OCSTAMP: variants seen among roughly 807,000 people sequenced by gnomAD.
The protein encoded by OCSTAMP is osteoclast stimulatory transmembrane protein, also known as transmembrane protein C20orf123.
In OCSTAMP, 17 loss-of-function variants were observed where a neutral mutation model predicts 25.2. The ratio of observed to expected loss-of-function variants is 0.68; its 90% CI spans 0.46 to 1.01. OCSTAMP has a LOEUF of 1.01. Ranked by LOEUF, OCSTAMP falls within the 50% of genes least tolerant of loss-of-function variation. OCSTAMP has a pLI of 0.00. For missense variants in OCSTAMP, 664 were observed against 694.6 expected (o/e 0.96, Z 0.50); for synonymous variants, 345 against 318.9 (o/e 1.08, Z -0.87).
Position 46,541,776 on chromosome 20 carries a change from G to A in OCSTAMP, c.1199C>T (p.Ala400Val), listed in dbSNP as rs1323381959. ...CAGGGCCCCCGCGGCCAGCGGGGCA[G>A]CTGCGCGGGGACGCCGGGCGGGTAG... ...PLLPARRPRA[A>V]APLAAGALQL... The change falls in exon 3 of 3, where the codon GCT becomes GTT. Residue 400 changes from alanine to valine, a missense_variant. Transcript: ENST00000279028. 5.9e-6 allele frequency: 9 copies of A among 1,514,140 alleles called. No homozygotes were observed. The Admixed American group carries it at 1.6e-4, about 27-fold the overall frequency. 93.8% of individuals were successfully genotyped at this position (1,514,140 alleles called of 1,614,324 possible).
rs200877331 is a variant in OCSTAMP, at chr20:46,541,698, C to G, written c.1277G>C (p.Arg426Pro). The change falls in exon 3 of 3, where the codon CGG (arginine) becomes CCG (proline). Residue 426 changes from arginine (R) to proline (P), a missense_variant. By Grantham distance (103) the Arg-to-Pro change is moderately radical. Transcript: ENST00000279028. ...VLLEAYARRL[R>P]HAIAASFFTA... ...GAAGAAGGAAGCGGCGATGGCATGC[C>G]GCAGGCGGCGGGCGTAGGCCTCCAG... 2.0e-3 allele frequency: 3,169 copies of G among 1,549,318 alleles called. 5 individuals are homozygous for G. Among genetic ancestry groups the G allele is most frequent in the Non-Finnish European group, 2.6e-3 (2,925 of 1,146,822 alleles).
chr20:46,545,060 G>C (rs186910776), intron 2 of OCSTAMP, among the ~76,000 whole-genome samples: 33 of 152,318 alleles, frequency 2.2e-4, no homozygotes, highest in Non-Finnish European at 4.4e-5. Context: ...GCTGCCACTT[G>C]TGAAGGGTGA....
chr20:46,549,610 A>G (rs3859583), intron 1 of OCSTAMP, among the ~76,000 whole-genome samples: 82,227 of 151,850 alleles, frequency 0.54, 22,913 homozygotes, highest in South Asian at 0.61. Context: ...GTGGGTGAAG[A>G]AGGGAGTTGG....
chr20:46,543,229 T>C (rs988975802), intron 2 of OCSTAMP, among the ~76,000 whole-genome samples: 2 of 145,060 alleles, frequency 1.4e-5, no homozygotes, highest in African/African-American at 2.7e-5. Flanking sequence ...TTCCTTCCTT[T>C]CTTTTTCTTT....
At chr20:46,550,014 G>A (rs1266026774) in intron 1 of OCSTAMP, among the ~76,000 whole-genome samples, 2 of 152,122 alleles carry the variant, frequency 1.3e-5, no homozygotes, top group Non-Finnish European at 2.9e-5. Context: ...ATCAATGAAC[G>A]GGTCCGTCTG....
At position 46,541,941 on chromosome 20, in the gene OCSTAMP, A is replaced by T; in HGVS notation, c.1048-14T>A. 7.1e-7 allele frequency: 1 copy of T among 1,418,062 alleles called. No homozygotes were observed. The highest frequency in any genetic ancestry group is 1.6e-5 in the South Asian group (1 of 62,406). The allele number at this position is 1,418,062 out of a possible 1,614,324, so 87.8% of individuals were successfully genotyped here. A position where few individuals can be genotyped will look rare whatever the true frequency, so the allele number is the denominator to read the frequency against. On this transcript the variant is annotated splice_polypyrimidine_tract_variant and intron_variant, in intron 2 of 2. Coordinates refer to ENST00000279028, the MANE Select transcript of OCSTAMP (RefSeq NM_080721.3). The stretch of plus-strand genomic sequence containing the variant: ...AGTGTATGCCACCTTGGGAAAGGAG[A>T]AAAAGGCAGGGTCAACTGAGGGCCT...
chr20:46,541,178 G>C lies in OCSTAMP; in HGVS notation c.*96C>G. The C allele has an allele frequency of 1.6e-6, 1 of 640,842 alleles. No homozygotes were observed. Among genetic ancestry groups the C allele is most frequent in the Non-Finnish European group, 2.9e-6 (1 of 346,106 alleles). The allele number at this position is 640,842 out of a possible 1,614,324, so 39.7% of individuals were successfully genotyped here. A position where few individuals can be genotyped will look rare whatever the true frequency, so the allele number is the denominator to read the frequency against. On this transcript the variant is annotated 3_prime_UTR_variant, in exon 3 of 3. Coordinates refer to ENST00000279028, the MANE Select transcript of OCSTAMP (RefSeq NM_080721.3). ...TCTCCATCTAACAAGTAGAGCAGTT[G>C]GTGCAGATGAGATGAGCCTGATCGC...
In OCSTAMP at chr20:46,545,968, G is replaced by T. The variant is rs964755757; in HGVS notation, c.406C>A (p.Pro136Thr). 3 of 1,551,430 alleles carry T rather than the reference G, an allele frequency of 1.9e-6. No individual in the cohort carries two copies. In the Admixed American group the frequency reaches 5.9e-5, roughly 30 times the overall value. Residue 136 changes from proline (P) to threonine (T), a missense_variant, in exon 2 of 3, where the codon CCC becomes ACC. Physicochemically the swap from Pro to Thr is conservative, Grantham distance 38. Coordinates refer to ENST00000279028, the MANE Select transcript of OCSTAMP (RefSeq NM_080721.3). ...STATLAIAVV[P>T]NVLANVGAAG... is the part of the protein sequence containing the mutation. ...GCACCCACGTTGGCCAGGACGTTGGGCACCACAGCAATGGCCAGGGTGGCA... is the reference window on the plus strand; with the variant it reads ...GCACCCACGTTGGCCAGGACGTTGGTCACCACAGCAATGGCCAGGGTGGCA...
intron 2 of OCSTAMP, among the ~76,000 whole-genome samples, chr20:46,544,631 G>A (rs949263703): frequency 1.3e-5 from 2 of 152,126 alleles, no homozygotes; most frequent in Non-Finnish European, 2.9e-5. Flanking sequence ...ATTATAAGTC[G>A]ATAGTAAATA....
chr20:46,546,560 A>G (rs866205331), intron 1 of OCSTAMP, among the ~76,000 whole-genome samples: 17 of 152,196 alleles, frequency 1.1e-4, no homozygotes, highest in African/African-American at 3.6e-4. Context: ...GAAGAGCCCA[A>G]TTCCCATGCA....
Position 46,546,113 on chromosome 20 carries a change from G to C in OCSTAMP, c.261C>G (p.Val87=), listed in dbSNP as rs1324262335. ...PPGPSAMVAT[V]CGLLVFLSLG... The stretch of plus-strand genomic sequence containing the variant: ...GGCTCAGGAAGACCAGGAGGCCACA[G>C]ACAGTGGCAACCATGGCTGAAGGTC... Residue 87 remains valine (V), a synonymous_variant, in exon 2 of 3, where the codon GTC becomes GTG. Transcript: ENST00000279028. 6.4e-7 allele frequency: 1 copy of C among 1,551,786 alleles called. No homozygotes were observed.
chr20:46,543,104 A>G (rs1306378062), intron 2 of OCSTAMP, among the ~76,000 whole-genome samples: 1 of 152,100 alleles, frequency 6.6e-6, no homozygotes, highest in Non-Finnish European at 1.5e-5. Flanking sequence ...GAAAAGTCAG[A>G]TTGAATGTTT....
chr20:46,543,300 T>TCTTTC (rs1230612230), intron 2 of OCSTAMP, among the ~76,000 whole-genome samples: 2 of 48,258 alleles, frequency 4.1e-5, no homozygotes, highest in African/African-American at 1.1e-4. Context: ...TCTCTCTTTC[T>TCTTTC]CTTTCCTTTC....
chr20:46,545,902 C>T lies in OCSTAMP; in HGVS notation c.472G>A (p.Glu158Lys), dbSNP rs2061850470. The T allele has an allele frequency of 5.8e-6, 9 of 1,551,356 alleles. No individual in the cohort carries two copies. The East Asian group carries it at 2.0e-4, about 34-fold the overall frequency. ...VLRCVTEGSL[E>K]SLLNTTHQLH... Reference sequence around the variant, plus strand: ...TGGTGAGTGGTATTGAGGAGACTCTCCAGGGAGCCCTCGGTGACACACCTC... The same window carrying T: ...TGGTGAGTGGTATTGAGGAGACTCTTCAGGGAGCCCTCGGTGACACACCTC... Residue 158 changes from glutamate (E) to lysine (K), a missense_variant, in exon 2 of 3, where the codon GAG (glutamate) becomes AAG (lysine). Physicochemically the swap from Glu to Lys is moderately conservative, Grantham distance 56 (BLOSUM62 1). Coordinates refer to ENST00000279028, the MANE Select transcript of OCSTAMP (RefSeq NM_080721.3).
rs138613759 is a variant in OCSTAMP, at chr20:46,543,568, G to A, written c.1048-1641C>T. Among the ~76,000 whole-genome samples, 989 of 152,062 alleles carry A rather than the reference G, an allele frequency of 6.5e-3. 9 individuals carry two copies. The highest frequency in any genetic ancestry group is 0.022 in the African/African-American group (929 of 41,472). ...GCTGGTCTTGAACTCCTGACCTCAG[G>A]TGATCCACCCACCTCGGCCTCCCAA... On this transcript the variant is annotated intron_variant, in intron 2 of 2. Transcript: ENST00000279028.
chr20:46,545,930 C>T lies in OCSTAMP; in HGVS notation c.444G>A (p.Val148=), dbSNP rs1029528404. The change falls in exon 2 of 3, where the codon GTG becomes GTA. Residue 148 remains valine, a synonymous_variant. Coordinates refer to ENST00000279028, the MANE Select transcript of OCSTAMP (RefSeq NM_080721.3). ...VLANVGAAGQ[V]LRCVTEGSLE... ...GGGAGCCCTCGGTGACACACCTCAG[C>T]ACCTGCCCGGCCGCACCCACGTTGG... The T allele has an allele frequency of 2.4e-5, 37 of 1,551,248 alleles. No homozygotes were observed. Among genetic ancestry groups the T allele is most frequent in the Non-Finnish European group, 2.5e-5 (29 of 1,147,012 alleles).
At position 46,541,473 on chromosome 20, in the gene OCSTAMP, A is replaced by G. The variant is rs2061833848; in HGVS notation, c.1502T>C (p.Leu501Pro). 1 of 1,550,390 alleles carries G rather than the reference A, an allele frequency of 6.4e-7. No homozygotes were observed. Among genetic ancestry groups the G allele is most frequent in the Admixed American group, 2.0e-5 (1 of 50,984 alleles). The change falls in exon 3 of 3, where the codon CTT (leucine) becomes CCT (proline). Residue 501 changes from leucine to proline, a missense_variant. Leu to Pro is a moderately conservative substitution (Grantham distance 98, BLOSUM62 -3). Transcript: ENST00000279028. ...TESSEGEGKELWSCRDLSCNL... is the reference protein window; with the variant it reads ...TESSEGEGKEPWSCRDLSCNL... Reference sequence around the variant, plus strand: ...ACAACTCAGGTCTCTGCAACTCCAAAGCTCTTTCCCTTCTCCCTCACTGCT... The same window carrying G: ...ACAACTCAGGTCTCTGCAACTCCAAGGCTCTTTCCCTTCTCCCTCACTGCT...
chr20:46,549,659 G>T (rs951708234), intron 1 of OCSTAMP, among the ~76,000 whole-genome samples: 3 of 152,162 alleles, frequency 2.0e-5, no homozygotes, highest in Non-Finnish European at 4.4e-5. Context: ...CAAAGGTCCT[G>T]TGCTCTGACC....
At chr20:46,542,923 G>A (rs1465347413) in intron 2 of OCSTAMP, among the ~76,000 whole-genome samples, 1 of 152,180 alleles carries the variant, frequency 6.6e-6, no homozygotes, top group Admixed American at 6.5e-5. Flanking sequence ...TACAATTTAT[G>A]CTTTCCCAGA....
Sources: gnomAD v4.1 joint callset for allele counts (sites outside exome capture counted in the v4.1 genomes callset) on GRCh38, gnomAD v4.1.1 for gene constraint, MANE v1.5 for transcripts, NCBI Gene and HGNC (gene_info 2026-07-23, HGNC 2026-07-21) for gene names.